The following SCN2A variants were observed in gnomAD, a reference collection of about 807,000 sequenced individuals.
The protein encoded by SCN2A is sodium voltage-gated channel alpha subunit 2.
Under a neutral mutation model 188.7 loss-of-function variants are expected in SCN2A, and 20 were observed. That is an observed-to-expected ratio of 0.11 (90% confidence interval 0.07 to 0.15). The LOEUF (loss-of-function observed/expected upper bound fraction) is 0.15, where lower values mean the gene tolerates loss of function less well. Among genes scored for constraint, SCN2A ranks in the 10% least tolerant of loss-of-function variants. SCN2A has a pLI of 1.00. For missense variants in SCN2A, 1,278 were observed against 2,445.0 expected (o/e 0.52, Z 10.07); for synonymous variants, 804 against 833.1 (o/e 0.97, Z 0.60).
intron 1 of SCN2A, among the ~76,000 whole-genome samples, chr2:165,275,675 AAGAC>A (rs1425518044): frequency 1.3e-5 from 2 of 152,192 alleles, no homozygotes; most frequent in African/African-American, 2.4e-5. Flanking sequence ...AAGAGCTTGA[AAGAC>A]AGAGAAAAGA....
intron 1 of SCN2A, among the ~76,000 whole-genome samples, chr2:165,264,240 A>G (rs1272166503): frequency 6.6e-6 from 1 of 152,146 alleles, no homozygotes; most frequent in East Asian, 1.9e-4. Context: ...CAGCATATCA[A>G]AAAGATAATC....
chr2:165,378,215 G>T (rs200690273), intron 23 of SCN2A, among the ~76,000 whole-genome samples: 1 of 133,798 alleles, frequency 7.5e-6, no homozygotes, highest in Admixed American at 7.4e-5. Context: ...GTCACATTTT[G>T]AAAAAAAAAA....
intron 8 of SCN2A, among the ~76,000 whole-genome samples, chr2:165,313,280 G>C (rs1697542431): frequency 6.6e-6 from 1 of 152,024 alleles, no homozygotes; most frequent in Admixed American, 6.6e-5. Flanking sequence ...TCTGCCTCAA[G>C]ACATCCTCAG....
At chr2:165,266,057 AC>A (rs1694847308) in intron 1 of SCN2A, among the ~76,000 whole-genome samples, 1 of 151,960 alleles carries the variant, frequency 6.6e-6, no homozygotes. Flanking sequence ...ATGATTTTGA[AC>A]TTTTTTGGAA....
intron 1 of SCN2A, among the ~76,000 whole-genome samples, chr2:165,258,960 G>A (rs889627302): frequency 1.3e-5 from 2 of 152,120 alleles, no homozygotes; most frequent in Non-Finnish European, 2.9e-5. Context: ...GGAGGAAGAG[G>A]ATCACAGAAA....
At chr2:165,278,388 A>T (rs1026749643) in intron 1 of SCN2A, among the ~76,000 whole-genome samples, 5 of 152,168 alleles carry the variant, frequency 3.3e-5, no homozygotes, top group African/African-American at 1.2e-4. Flanking sequence ...AGAGGAGGCA[A>T]GGCACCTTTT....
chr2:165,386,339 C>G (rs1701871214), intron 25 of SCN2A, among the ~76,000 whole-genome samples: 1 of 151,994 alleles, frequency 6.6e-6, no homozygotes, highest in Admixed American at 6.6e-5. Flanking sequence ...TGGCATGTAC[C>G]TGTAATCCCA....
rs113651098 is a variant in SCN2A, at chr2:165,377,855, A to G, written c.4308+205A>G. ...CTCTAATCACTCTGTATCTTTTAACATATCTTTTCTAGTATTTAGCAAGGC... is the reference window on the plus strand; with the variant it reads ...CTCTAATCACTCTGTATCTTTTAACGTATCTTTTCTAGTATTTAGCAAGGC... On this transcript the variant is annotated intron_variant, in intron 23 of 26. Coordinates refer to ENST00000375437, the MANE Select transcript of SCN2A (RefSeq NM_001040142.2). 0.018 allele frequency among the ~76,000 whole-genome samples: 2,807 copies of G among 151,922 alleles called. 81 individuals are homozygous for G. Among genetic ancestry groups the G allele is most frequent in the African/African-American group, 0.062 (2,554 of 41,474 alleles).
intron 1 of SCN2A, among the ~76,000 whole-genome samples, chr2:165,282,758 A>G (rs989946834): frequency 2.6e-5 from 4 of 152,164 alleles, no homozygotes; most frequent in Non-Finnish European, 2.9e-5. Flanking sequence ...TTCATAAATT[A>G]CTGGCCCTAG....
At chr2:165,289,910 C>T (rs920106127) in intron 1 of SCN2A, among the ~76,000 whole-genome samples, 41 of 152,128 alleles carry the variant, frequency 2.7e-4, no homozygotes, top group African/African-American at 8.4e-4. Flanking sequence ...TGGTATGTTT[C>T]TGATAGTGCA....
At chr2:165,271,322 T>C (rs1046212904) in intron 1 of SCN2A, 6 of 152,290 alleles carry the variant, frequency 3.9e-5, no homozygotes, top group Middle Eastern at 3.4e-3. Flanking sequence ...AGAGGCCTAA[T>C]TGGACTTGTG....
At chr2:165,343,252 C>T (rs1223075444) in intron 15 of SCN2A, among the ~76,000 whole-genome samples, 2 of 152,046 alleles carry the variant, frequency 1.3e-5, no homozygotes, top group Non-Finnish European at 2.9e-5. Flanking sequence ...AGGCTGAAGA[C>T]TTTTTCATGA....
chr2:165,342,775 A>G (rs1699382482), intron 15 of SCN2A, among the ~76,000 whole-genome samples: 1 of 152,224 alleles, frequency 6.6e-6, no homozygotes, highest in Admixed American at 6.5e-5. Context: ...ACTCTCAGTT[A>G]TCTGAGGTTT....
intron 11 of SCN2A, among the ~76,000 whole-genome samples, chr2:165,318,022 C>A (rs1398753228): frequency 6.6e-6 from 1 of 152,114 alleles, no homozygotes; most frequent in African/African-American, 2.4e-5. Flanking sequence ...GAAAGTAATA[C>A]TGAAAATGTC....
intron 16 of SCN2A, among the ~76,000 whole-genome samples, chr2:165,352,345 C>T (rs1699965010): frequency 6.6e-6 from 1 of 151,960 alleles, no homozygotes; most frequent in African/African-American, 2.4e-5. Context: ...CAAAATCAAA[C>T]GTGGTCTTCA....
chr2:165,350,464 CTTTTTTTTTT>C lies in SCN2A; in HGVS notation c.2920-3711_2920-3702del, dbSNP rs71028479. On this transcript the variant is annotated intron_variant, in intron 16 of 26. Transcript: ENST00000375437. ...GTGAGCTTGCTGAACTGTTTTCTTTCTTTTTTTTTTTTTTTTTTTTTTTTTTGAGACGGAG... is the reference window on the plus strand; with the variant it reads ...GTGAGCTTGCTGAACTGTTTTCTTTCTTTTTTTTTTTTTTTTGAGACGGAG... Among the ~76,000 whole-genome samples the C allele has an allele frequency of 8.4e-4, 62 of 73,846 alleles. 1 individual carries two copies. Among genetic ancestry groups the C allele is most frequent in the African/African-American group, 2.0e-3 (33 of 16,286 alleles). The allele number at this position is 73,846 out of a possible 152,430, so 48.4% of individuals were successfully genotyped here.
chr2:165,328,833 G>A (rs760004285), intron 13 of SCN2A, among the ~76,000 whole-genome samples: 2 of 151,994 alleles, frequency 1.3e-5, no homozygotes, highest in Non-Finnish European at 2.9e-5. Flanking sequence ...AGAAATAATG[G>A]CCAAGTTTTT....
At chr2:165,291,415 CCTCCCTGTCTGT>C (rs1696128853) in intron 1 of SCN2A, among the ~76,000 whole-genome samples, 2 of 118,256 alleles carry the variant, frequency 1.7e-5, no homozygotes, top group African/African-American at 6.4e-5. Flanking sequence ...TTCCTTCCTT[CCTCCCTGTCTGT>C]CTTTCTTTCT....
chr2:165,367,264 A>G lies in SCN2A; in HGVS notation c.3568A>G (p.Lys1190Glu). ...KCCQISIEEGKGKLWWNLRKT... is the reference protein window; with the variant it reads ...KCCQISIEEGEGKLWWNLRKT... ...TTGTCAGATAAGCATAGAAGAAGGC[A>G]AAGGGAAACTCTGGTGGAATTTGAG... The change falls in exon 19 of 27, where the codon AAA (lysine) becomes GAA (glutamate). Residue 1190 changes from lysine (K) to glutamate (E), a missense_variant. Physicochemically the swap from Lys to Glu is moderately conservative, Grantham distance 56 (BLOSUM62 1). This residue lies in a region of SCN2A where 228 missense variants were observed against 297.3 expected (regional missense o/e 0.77). Coordinates refer to ENST00000375437, the MANE Select transcript of SCN2A (RefSeq NM_001040142.2). The G allele has an allele frequency of 6.2e-7, 1 of 1,614,184 alleles. No individual in the cohort carries two copies. Among genetic ancestry groups the G allele is most frequent in the Non-Finnish European group, 8.5e-7 (1 of 1,180,028 alleles).
Sources: gnomAD v4.1 joint callset for allele counts (sites outside exome capture counted in the v4.1 genomes callset) on GRCh38, gnomAD v4.1.1 for gene constraint, gnomAD v4.1.1 regional missense constraint, MANE v1.5 for transcripts, NCBI Gene and HGNC (gene_info 2026-07-23, HGNC 2026-07-21) for gene names.